CCDC91: variants seen among roughly 807,000 people sequenced by gnomAD.
CCDC91 encodes the protein coiled-coil domain containing 91, also known as coiled-coil domain-containing protein 91.
A neutral mutation model predicts 63.2 loss-of-function variants in CCDC91; 48 were observed. That is an observed-to-expected ratio of 0.76 (90% CI 0.60 to 0.97). CCDC91 has a LOEUF of 0.97. Among genes scored for constraint, CCDC91 ranks in the 50% least tolerant of loss-of-function variants. The pLI, the probability that CCDC91 is intolerant of heterozygous loss-of-function variation, is 0.00. For synonymous variants in CCDC91, 167 were observed against 165.8 expected (o/e 1.01, Z -0.06); for missense variants, 500 against 494.6 (o/e 1.01, Z -0.10).
At chr12:28,302,990 G>C (rs1938243978) in intron 3 of CCDC91, among the ~76,000 whole-genome samples, 1 of 152,060 alleles carries the variant, frequency 6.6e-6, no homozygotes, top group Non-Finnish European at 1.5e-5. Flanking sequence ...ATTGGAGAAA[G>C]AGCCTGAAAA....
chr12:28,278,452 C>T (rs1260129337), intron 3 of CCDC91, among the ~76,000 whole-genome samples: 1 of 152,014 alleles, frequency 6.6e-6, no homozygotes, highest in African/African-American at 2.4e-5. Flanking sequence ...CAATATGTAA[C>T]TTAAAGTCAG....
In CCDC91 at chr12:28,367,274, G is replaced by C. The variant is rs143097964; in HGVS notation, c.654+4759G>C. The stretch of plus-strand genomic sequence containing the variant: ...ACCAATGTGAAAACAGAAAATACCC[G>C]CAAGTGTCAGCAAAGTAATAGACTG... On this transcript the variant is annotated intron_variant, in intron 7 of 12. Coordinates refer to ENST00000536442, the MANE Select transcript of CCDC91 (RefSeq NM_018318.5). Among the ~76,000 whole-genome samples, 17 of 152,144 alleles carry C rather than the reference G, an allele frequency of 1.1e-4. No individual in the cohort carries two copies. In the Middle Eastern group the frequency reaches 0.01, roughly 91 times the overall value.
chr12:28,212,008 A>G (rs1333276923), intron 1 of CCDC91, among the ~76,000 whole-genome samples: 2 of 151,434 alleles, frequency 1.3e-5, no homozygotes, highest in Non-Finnish European at 3.0e-5. Context: ...CCCAGTTTGG[A>G]TTAGAAATTT....
rs556982183 is a variant in CCDC91, at chr12:28,315,436, G to T, written c.576+7687G>T. ...CCACCTTGGCCTTCTAAAATGCTGG[G>T]ATTACAGGCATGAGCACCATACCTG... On this transcript the variant is annotated intron_variant, in intron 6 of 12. Coordinates refer to ENST00000536442, the MANE Select transcript of CCDC91 (RefSeq NM_018318.5). Among the ~76,000 whole-genome samples, 27 of 151,968 alleles carry T rather than the reference G, an allele frequency of 1.8e-4. No individual in the cohort carries two copies. The South Asian group carries it at 5.6e-3, about 32-fold the overall frequency.
intron 6 of CCDC91, among the ~76,000 whole-genome samples, chr12:28,342,090 C>T (rs1349037136): frequency 6.6e-6 from 1 of 152,128 alleles, no homozygotes; most frequent in Non-Finnish European, 1.5e-5. Context: ...AAATATCGAA[C>T]CTTTTCTGGC....
intron 8 of CCDC91, among the ~76,000 whole-genome samples, chr12:28,415,399 T>G (rs1947585754): frequency 6.6e-6 from 1 of 152,118 alleles, no homozygotes. Context: ...AATTTTTTAT[T>G]TTTAGTAGAG....
intron 8 of CCDC91, among the ~76,000 whole-genome samples, chr12:28,401,115 T>C (rs1273615610): frequency 6.6e-6 from 1 of 152,168 alleles, no homozygotes; most frequent in Non-Finnish European, 1.5e-5. Context: ...ACCCACTCTC[T>C]GTGGTACCAA....
intron 12 of CCDC91, among the ~76,000 whole-genome samples, chr12:28,493,624 C>T (rs189153982): frequency 8.6e-4 from 131 of 151,810 alleles, no homozygotes; most frequent in Admixed American, 2.6e-3. Context: ...ACATACACTA[C>T]CTGGCTGTCT....
chr12:28,496,943 CATATAT>C (rs140551640), intron 12 of CCDC91, among the ~76,000 whole-genome samples: 15 of 138,104 alleles, frequency 1.1e-4, no homozygotes, highest in Admixed American at 4.4e-4. Context: ...TATATATATA[CATATAT>C]ATATATATAT....
chr12:28,243,640 A>T (rs1319762013), intron 1 of CCDC91, among the ~76,000 whole-genome samples: 1 of 152,198 alleles, frequency 6.6e-6, no homozygotes, highest in East Asian at 1.9e-4. Context: ...TATATAAAGA[A>T]TGAAAAAGAG....
At chr12:28,271,896 C>G (rs1947792437) in intron 3 of CCDC91, among the ~76,000 whole-genome samples, 1 of 148,330 alleles carries the variant, frequency 6.7e-6, no homozygotes, top group African/African-American at 2.5e-5. Flanking sequence ...ATAATATATG[C>G]TATATATTAT....
At chr12:28,438,975 A>C (rs1421259543) in intron 8 of CCDC91, among the ~76,000 whole-genome samples, 1 of 152,164 alleles carries the variant, frequency 6.6e-6, no homozygotes, top group African/African-American at 2.4e-5. Context: ...CATTTAATAA[A>C]ACATACACTA....
chr12:28,298,442 A>G (rs1434194389), intron 3 of CCDC91, among the ~76,000 whole-genome samples: 1 of 148,102 alleles, frequency 6.8e-6, no homozygotes, highest in Non-Finnish European at 1.5e-5. Context: ...TTCCTATCCT[A>G]TTAACTCAGA....
chr12:28,235,037 C>G (rs1175154212), intron 1 of CCDC91, among the ~76,000 whole-genome samples: 3 of 152,152 alleles, frequency 2.0e-5, no homozygotes, highest in Non-Finnish European at 4.4e-5. Flanking sequence ...TTCATGTGCT[C>G]TCTCCACATG....
intron 8 of CCDC91, among the ~76,000 whole-genome samples, chr12:28,435,223 AT>A (rs1160670496): frequency 9.9e-5 from 15 of 151,592 alleles, no homozygotes; most frequent in African/African-American, 3.6e-4. Flanking sequence ...AGCTAAGATT[AT>A]TGATTTAGTA....
At chr12:28,390,956 G>A (rs1945899100) in intron 7 of CCDC91, among the ~76,000 whole-genome samples, 1 of 130,674 alleles carries the variant, frequency 7.7e-6, no homozygotes, top group African/African-American at 2.9e-5. Flanking sequence ...TTTTTTTTCA[G>A]CAGCTTTCAT....
chr12:28,431,187 T>G lies in CCDC91; in HGVS notation c.763-18974T>G, dbSNP rs146792439. Among the ~76,000 whole-genome samples, 1,360 of 152,286 alleles carry G rather than the reference T, an allele frequency of 8.9e-3. 15 individuals are homozygous for G. The highest frequency in any genetic ancestry group is 0.031 in the African/African-American group (1,286 of 41,574). ...AGTTTCCATAAATGTTTCACATATG[T>G]TTGAAAAGAATGTATATTCTCCAAC... On this transcript the variant is annotated intron_variant, in intron 8 of 12. Transcript: ENST00000536442.
At chr12:28,523,006 T>C (rs1940880377) in intron 12 of CCDC91, among the ~76,000 whole-genome samples, 1 of 152,182 alleles carries the variant, frequency 6.6e-6, no homozygotes, top group Non-Finnish European at 1.5e-5. Flanking sequence ...ATGTGGTCAG[T>C]TTTTGAATAA....
intron 1 of CCDC91, among the ~76,000 whole-genome samples, chr12:28,254,133 A>T (rs2136131213): frequency 6.6e-6 from 1 of 152,326 alleles, no homozygotes; most frequent in Non-Finnish European, 1.5e-5. Flanking sequence ...AAATATTCAG[A>T]CTAGCAAAGT....
Sources: gnomAD v4.1 joint callset for allele counts (sites outside exome capture counted in the v4.1 genomes callset) on GRCh38, gnomAD v4.1.1 for gene constraint, MANE v1.5 for transcripts, NCBI Gene and HGNC (gene_info 2026-07-23, HGNC 2026-07-21) for gene names.